The following THSD4 variants were observed in gnomAD, a reference collection of about 807,000 sequenced individuals.
THSD4 encodes the protein thrombospondin type-1 domain-containing protein 4.
Under a neutral mutation model 119.0 loss-of-function variants are expected in THSD4, and 69 were observed. The ratio of observed to expected loss-of-function variants is 0.58; its 90% CI spans 0.48 to 0.71. The LOEUF (loss-of-function observed/expected upper bound fraction) is 0.71, where lower values mean the gene tolerates loss of function less well. THSD4 is among the 30% of genes least tolerant of loss of function. The pLI, the probability that THSD4 is intolerant of heterozygous loss-of-function variation, is 0.00. For missense variants in THSD4, 1,393 were observed against 1,391.1 expected (o/e 1.00, Z -0.02); for synonymous variants, 524 against 540.4 (o/e 0.97, Z 0.42).
At chr15:71,541,678 A>G (rs72735377) in intron 7 of THSD4, among the ~76,000 whole-genome samples, 68 of 152,362 alleles carry the variant, frequency 4.5e-4, no homozygotes, top group Non-Finnish European at 6.6e-4. Context: ...TGGATGTCAC[A>G]AATTATTCAA....
chr15:71,164,788 T>C (rs13329439), intron 3 of THSD4: 2 of 1,593,464 alleles, frequency 1.3e-6, no homozygotes, highest in Non-Finnish European at 1.7e-6. Flanking sequence ...CATCATCATC[T>C]TCTTCTTCAT....
At chr15:71,456,304 A>G (rs1461811268) in intron 7 of THSD4, among the ~76,000 whole-genome samples, 16 of 152,186 alleles carry the variant, frequency 1.1e-4, no homozygotes, top group Admixed American at 7.2e-4. Flanking sequence ...CTTTTTCCTA[A>G]TTTCTTTCAC....
chr15:71,285,516 A>G (rs1365663559), intron 6 of THSD4, among the ~76,000 whole-genome samples: 1 of 152,188 alleles, frequency 6.6e-6, no homozygotes, highest in Non-Finnish European at 1.5e-5. Flanking sequence ...TAAGTACTTC[A>G]CTAATTGTTT....
At chr15:71,372,245 A>T (rs1180273200) in intron 6 of THSD4, among the ~76,000 whole-genome samples, 4 of 152,066 alleles carry the variant, frequency 2.6e-5, no homozygotes, top group African/African-American at 9.7e-5. Flanking sequence ...TAGTTCAGAG[A>T]AGTTTGATCG....
At chr15:71,480,866 A>G (rs1174717836) in intron 7 of THSD4, among the ~76,000 whole-genome samples, 1 of 152,210 alleles carries the variant, frequency 6.6e-6, no homozygotes, top group East Asian at 1.9e-4. Flanking sequence ...CATCAACTCT[A>G]CCATAGTCTA....
chr15:71,208,600 C>T (rs1463722772), intron 3 of THSD4, among the ~76,000 whole-genome samples: 1 of 151,856 alleles, frequency 6.6e-6, no homozygotes, highest in East Asian at 1.9e-4. Flanking sequence ...CAGTCTCTGC[C>T]CCCTGGGCTC....
At chr15:71,714,764 T>TA (rs1402687706) in intron 8 of THSD4, among the ~76,000 whole-genome samples, 3 of 152,102 alleles carry the variant, frequency 2.0e-5, no homozygotes, top group Non-Finnish European at 4.4e-5. Flanking sequence ...GAGAATCGCT[T>TA]GTGGAGGTTG....
rs187220461 is a variant in THSD4, at chr15:71,607,123, G to A, written c.1153-53407G>A. ...TATCAGAGATGCTCTGACACTGGCT[G>A]ACACCAGAGAGCCGTTATGCCTAAA... On this transcript the variant is annotated intron_variant, in intron 7 of 17. Coordinates refer to ENST00000261862, the MANE Select transcript of THSD4 (RefSeq NM_024817.3). 1.3e-3 allele frequency among the ~76,000 whole-genome samples: 203 copies of A among 152,322 alleles called. 2 individuals carry two copies. Among genetic ancestry groups the A allele is most frequent in the Non-Finnish European group, 1.9e-3 (131 of 68,026 alleles).
At chr15:71,183,658 C>A (rs1029422899) in intron 3 of THSD4, among the ~76,000 whole-genome samples, 5 of 151,632 alleles carry the variant, frequency 3.3e-5, no homozygotes, top group Non-Finnish European at 5.9e-5. Context: ...GGCACATAAA[C>A]GTCCCTAAGA....
intron 8 of THSD4, among the ~76,000 whole-genome samples, chr15:71,688,403 T>C (rs2051963340): frequency 6.6e-6 from 1 of 152,364 alleles, no homozygotes; most frequent in Admixed American, 6.5e-5. Context: ...TGTCATATTG[T>C]GAATTGTGTC....
At chr15:71,351,692 G>A (rs959736579) in intron 6 of THSD4, among the ~76,000 whole-genome samples, 2 of 152,230 alleles carry the variant, frequency 1.3e-5, no homozygotes, top group African/African-American at 4.8e-5. Context: ...ACCAGTGAGT[G>A]GAGATGGTGT....
chr15:71,726,937 CA>C (rs796495334), intron 8 of THSD4, among the ~76,000 whole-genome samples: 2,116 of 128,562 alleles, frequency 0.016, 19 homozygotes, highest in African/African-American at 0.027. Flanking sequence ...AACGCCATCT[CA>C]AAAAAAAAAA....
chr15:71,296,150 A>G (rs779568020), intron 6 of THSD4, among the ~76,000 whole-genome samples: 8 of 152,144 alleles, frequency 5.3e-5, no homozygotes, highest in Non-Finnish European at 8.8e-5. Flanking sequence ...GTATGTTTTC[A>G]TTTCTCTTGC....
At chr15:71,740,664 C>T (rs539948198) in intron 11 of THSD4, among the ~76,000 whole-genome samples, 26 of 152,160 alleles carry the variant, frequency 1.7e-4, no homozygotes, top group Non-Finnish European at 3.1e-4. Context: ...ACAACCCATC[C>T]GCACGCTGTG....
chr15:71,146,119 A>G (rs990166768), intron 2 of THSD4, among the ~76,000 whole-genome samples: 15 of 152,248 alleles, frequency 9.9e-5, no homozygotes, highest in African/African-American at 3.6e-4. Context: ...GTTAATTACA[A>G]AAGTAGGGTG....
intron 6 of THSD4, among the ~76,000 whole-genome samples, chr15:71,273,870 T>C (rs1267782963): frequency 1.3e-5 from 2 of 152,138 alleles, no homozygotes; most frequent in African/African-American, 2.4e-5. Flanking sequence ...ATCCAATAGC[T>C]CAGAGACCCA....
intron 7 of THSD4, among the ~76,000 whole-genome samples, chr15:71,510,699 C>G (rs371834769): frequency 5.9e-5 from 9 of 152,188 alleles, no homozygotes; most frequent in Non-Finnish European, 1.3e-4. Flanking sequence ...TGTTCTGTTA[C>G]GGACCACGGT....
chr15:71,660,012 C>G (rs1318809119), intron 7 of THSD4, among the ~76,000 whole-genome samples: 5 of 146,004 alleles, frequency 3.4e-5, no homozygotes, highest in African/African-American at 1.3e-4. Context: ...TCTGAGGCCT[C>G]TAGAGCCACA....
chr15:71,358,844 T>G (rs2045856568), intron 6 of THSD4, among the ~76,000 whole-genome samples: 2 of 152,104 alleles, frequency 1.3e-5, no homozygotes, highest in Admixed American at 6.5e-5. Context: ...ATGATACTAA[T>G]GGGGGTTGCC....
Sources: allele counts gnomAD v4.1 joint callset (sites outside exome capture counted in the v4.1 genomes callset), GRCh38; gene constraint gnomAD v4.1.1; transcripts MANE v1.5; gene names NCBI Gene and HGNC (gene_info 2026-07-23, HGNC 2026-07-21).